TMEM150C: variants seen among roughly 807,000 people sequenced by gnomAD.
The protein encoded by TMEM150C is transmembrane protein 150C.
TMEM150C carries 10 observed loss-of-function variants against 29.9 expected under a neutral mutation model. The ratio of observed to expected loss-of-function variants is 0.33; its 90% confidence interval spans 0.21 to 0.57. The LOEUF (loss-of-function observed/expected upper bound fraction) is 0.57, where lower values mean the gene tolerates loss of function less well. Ranked by LOEUF, TMEM150C falls within the 20% of genes least tolerant of loss-of-function variation. TMEM150C has a pLI of 0.88. For missense variants in TMEM150C, 251 were observed against 303.6 expected (o/e 0.83, Z 1.29); for synonymous variants, 101 against 112.5 (o/e 0.90, Z 0.64).
At chr4:82,528,830 G>A (rs1212659470) in intron 1 of TMEM150C, among the ~76,000 whole-genome samples, 3 of 151,982 alleles carry the variant, frequency 2.0e-5, no homozygotes, top group East Asian at 1.9e-4. Context: ...TCCTGACCTC[G>A]TGATCTGCCC....
chr4:82,483,648 A>T lies in TMEM150C; in HGVS notation c.*1863T>A, dbSNP rs931139742. 6.6e-6 allele frequency: 1 copy of T among 152,166 alleles called. No individual in the cohort carries two copies. Among genetic ancestry groups the T allele is most frequent in the Non-Finnish European group, 1.5e-5 (1 of 68,034 alleles). The allele number at this position is 152,166 out of a possible 1,614,324, so 9.4% of individuals were successfully genotyped here. On this transcript the variant is annotated 3_prime_UTR_variant, in exon 8 of 8. Coordinates refer to ENST00000449862, the MANE Select transcript of TMEM150C (RefSeq NM_001080506.3). ...TTTTCCTACTCTTAAATTATTAATA[A>T]TTCTATTCAACAGACATTTATTGAG...
intron 2 of TMEM150C, among the ~76,000 whole-genome samples, chr4:82,504,192 A>G (rs918096296): frequency 4.6e-5 from 7 of 152,042 alleles, no homozygotes; most frequent in Non-Finnish European, 1.0e-4. Flanking sequence ...ACAGTCATAA[A>G]GATATGCCAT....
intron 1 of TMEM150C, among the ~76,000 whole-genome samples, chr4:82,550,057 C>T (rs1009967958): frequency 3.3e-5 from 5 of 152,032 alleles, no homozygotes; most frequent in Non-Finnish European, 5.9e-5. Flanking sequence ...GCTCTGTGTC[C>T]CCACCCAAAT....
In TMEM150C at chr4:82,490,157, C is replaced by A. The variant is rs991913895; in HGVS notation, c.445G>T (p.Ala149Ser). Residue 149 changes from alanine (A) to serine (S), a missense_variant, in exon 7 of 8, where the codon GCG (alanine) becomes TCG (serine). Physicochemically the swap from Ala to Ser is moderately conservative, Grantham distance 99. Transcript: ENST00000449862. ...FGTLTCWIQA[A>S]LTLKVNIKNE... ...TTGATGTTGACCTTGAGTGTCAGCG[C>A]AGCCTGGATCCAGCAGGTCAATGTG... 1.9e-6 allele frequency: 3 copies of A among 1,613,868 alleles called. No individual in the cohort carries two copies. The African/African-American group carries it at 4.0e-5, about 22-fold the overall frequency.
At chr4:82,551,733 G>A (rs1012255530) in intron 1 of TMEM150C, among the ~76,000 whole-genome samples, 4 of 151,996 alleles carry the variant, frequency 2.6e-5, no homozygotes, top group African/African-American at 7.3e-5. Context: ...ATGTTCTTAT[G>A]GTACCCTAGG....
Position 82,485,554 on chromosome 4 carries a change from T to C in TMEM150C, c.707A>G (p.Glu236Gly), listed in dbSNP as rs1199396111. ...EYQENFLSFSESLSEASEYQT... is the reference protein window; with the variant it reads ...EYQENFLSFSGSLSEASEYQT... ...ATATTCAGAAGCTTCTGACAGGCTTTCTGAGAAGCTTAGGAAATTCTCCTG... is the reference window on the plus strand; with the variant it reads ...ATATTCAGAAGCTTCTGACAGGCTTCCTGAGAAGCTTAGGAAATTCTCCTG... The change falls in exon 8 of 8, where the codon GAA becomes GGA. Residue 236 changes from glutamate (E) to glycine (G), a missense_variant. Transcript: ENST00000449862. The C allele has an allele frequency of 1.2e-6, 2 of 1,609,742 alleles. No homozygotes were observed. The highest frequency in any genetic ancestry group is 1.7e-6 in the Non-Finnish European group (2 of 1,178,120).
chr4:82,499,654 C>T (rs903241895), intron 5 of TMEM150C, among the ~76,000 whole-genome samples: 2 of 124,336 alleles, frequency 1.6e-5, no homozygotes, highest in African/African-American at 6.4e-5. Flanking sequence ...ACCTGGGAAG[C>T]GGAAGTTGTG....
Position 82,510,214 on chromosome 4 carries a change from G to T in TMEM150C, c.-10-5547C>A, listed in dbSNP as rs143804346. 3.0e-4 allele frequency among the ~76,000 whole-genome samples: 45 copies of T among 152,286 alleles called. 2 individuals carry two copies. The highest frequency in any genetic ancestry group is 9.4e-4 in the African/African-American group (39 of 41,554). On this transcript the variant is annotated intron_variant, in intron 1 of 7. Coordinates refer to ENST00000449862, the MANE Select transcript of TMEM150C (RefSeq NM_001080506.3). ...GAATCGCTTGAACCCGGGAGGCGGA[G>T]GTTGCAGTGAGCCGTGATCGCACCA...
At chr4:82,488,051 T>C (rs59833699) in intron 7 of TMEM150C, among the ~76,000 whole-genome samples, 12,991 of 152,166 alleles carry the variant, frequency 0.085, 715 homozygotes, top group African/African-American at 0.14. Context: ...AAGCAGTGTA[T>C]AGTGCACCCA....
At chr4:82,506,496 T>C (rs1484117932) in intron 1 of TMEM150C, among the ~76,000 whole-genome samples, 2 of 152,234 alleles carry the variant, frequency 1.3e-5, no homozygotes, top group Non-Finnish European at 2.9e-5. Flanking sequence ...TAATTTAATT[T>C]GCAACTAATC....
At chr4:82,539,353 A>G (rs1355129271) in intron 1 of TMEM150C, among the ~76,000 whole-genome samples, 2 of 152,210 alleles carry the variant, frequency 1.3e-5, no homozygotes, top group African/African-American at 2.4e-5. Flanking sequence ...TTACAATAAC[A>G]TAGAATTATT....
chr4:82,557,948 G>A (rs1725792398), intron 1 of TMEM150C, among the ~76,000 whole-genome samples: 1 of 151,810 alleles, frequency 6.6e-6, no homozygotes, highest in Non-Finnish European at 1.5e-5. Context: ...GGCCGGGCTG[G>A]TCTCAAACTC....
rs1454658288 is a variant in TMEM150C, at chr4:82,496,129, A to G, written c.302T>C (p.Ile101Thr). 1 of 1,613,972 alleles carries G rather than the reference A, an allele frequency of 6.2e-7. No homozygotes were observed. Among genetic ancestry groups the G allele is most frequent in the Non-Finnish European group, 8.5e-7 (1 of 1,179,882 alleles). ...CAGACACAGAGCCACCAATCCACTAATATTCAGCCACGGGTTTAAAACCTT... is the reference window on the plus strand; with the variant it reads ...CAGACACAGAGCCACCAATCCACTAGTATTCAGCCACGGGTTTAAAACCTT... ...KPKVLNPWLNISGLVALCLAS... is the reference protein window; with the variant it reads ...KPKVLNPWLNTSGLVALCLAS... Residue 101 changes from isoleucine to threonine, a missense_variant, in exon 6 of 8, where the codon ATT becomes ACT. Transcript: ENST00000449862.
intron 1 of TMEM150C, among the ~76,000 whole-genome samples, chr4:82,528,315 G>A (rs932929020): frequency 6.6e-6 from 1 of 152,196 alleles, no homozygotes; most frequent in African/African-American, 2.4e-5. Context: ...AACAGAAATT[G>A]CTGGGCCCCA....
At chr4:82,554,691 T>G (rs1725685945) in intron 1 of TMEM150C, among the ~76,000 whole-genome samples, 1 of 152,254 alleles carries the variant, frequency 6.6e-6, no homozygotes, top group Admixed American at 6.5e-5. Flanking sequence ...TTGATTGTCA[T>G]TATAATTCAT....
At chr4:82,533,380 C>G (rs1020072380) in intron 1 of TMEM150C, among the ~76,000 whole-genome samples, 4 of 152,152 alleles carry the variant, frequency 2.6e-5, no homozygotes, top group African/African-American at 9.7e-5. Flanking sequence ...GCTACTCAAA[C>G]TTTTTTATAG....
chr4:82,525,118 C>G (rs1285590457), intron 1 of TMEM150C, among the ~76,000 whole-genome samples: 2 of 152,182 alleles, frequency 1.3e-5, no homozygotes, highest in Non-Finnish European at 2.9e-5. Flanking sequence ...ACAAAGAACA[C>G]TTGAGGCATT....
chr4:82,513,128 C>T (rs548813990), intron 1 of TMEM150C, among the ~76,000 whole-genome samples: 41 of 152,218 alleles, frequency 2.7e-4, no homozygotes, highest in East Asian at 5.8e-4. Flanking sequence ...CCTTGACCCC[C>T]GTGCCTCCTG....
chr4:82,519,864 G>GTGC (rs1724428542), intron 1 of TMEM150C, among the ~76,000 whole-genome samples: 1 of 152,234 alleles, frequency 6.6e-6, no homozygotes, highest in Admixed American at 6.5e-5. Flanking sequence ...CTATGTGAAT[G>GTGC]TGCTCCTCCC....
Sources: allele counts gnomAD v4.1 joint callset (sites outside exome capture counted in the v4.1 genomes callset), GRCh38; gene constraint gnomAD v4.1.1; transcripts MANE v1.5; gene names NCBI Gene and HGNC (gene_info 2026-07-23, HGNC 2026-07-21).